The following ZNF213 variants were observed in gnomAD, a reference collection of about 807,000 sequenced individuals.
ZNF213 encodes zinc finger protein 213.
ZNF213 carries 32 observed loss-of-function variants against 46.0 expected under a neutral mutation model. The ratio of observed to expected loss-of-function variants is 0.70; its 90% CI spans 0.52 to 0.93. ZNF213 has a LOEUF of 0.93. Among genes scored for constraint, ZNF213 ranks in the 40% least tolerant of loss-of-function variants. The pLI, the probability that ZNF213 is intolerant of heterozygous loss-of-function variation, is 0.00. For missense variants in ZNF213, 639 were observed against 652.8 expected, an observed-to-expected ratio of 0.98 and a Z score of 0.23; for synonymous variants, 297 against 271.0, an observed-to-expected ratio of 1.10 and a Z score of -0.94.
chr16:3,141,010 C>G lies in ZNF213; in HGVS notation c.1043C>G (p.Pro348Arg). ...THTGEKPHKC[P>R]ECDKSFRSSS... ...ACGGGCGAGAAGCCACACAAGTGCCCTGAGTGCGACAAGAGCTTCCGCAGC... is the reference window on the plus strand; with the variant it reads ...ACGGGCGAGAAGCCACACAAGTGCCGTGAGTGCGACAAGAGCTTCCGCAGC... Residue 348 changes from proline (P) to arginine (R), a missense_variant, in exon 6 of 6, where the codon CCT (proline) becomes CGT (arginine). Pro to Arg is a moderately radical substitution (Grantham distance 103, BLOSUM62 -2). Transcript: ENST00000396878. The G allele has an allele frequency of 6.2e-7, 1 of 1,611,960 alleles. No homozygotes were observed. The highest frequency in any genetic ancestry group is 8.5e-7 in the Non-Finnish European group (1 of 1,179,596).
chr16:3,136,671 T>C (rs1246486435), intron 1 of ZNF213, among the ~76,000 whole-genome samples: 2 of 151,396 alleles, frequency 1.3e-5, no homozygotes, highest in Admixed American at 6.6e-5. Context: ...GAACTGAGAT[T>C]GCGCCACTGC....
At chr16:3,138,283 C>T in intron 2 of ZNF213, 135 bp from the exon 3 acceptor site, 7 of 1,500,908 alleles carry the variant, frequency 4.7e-6, no homozygotes, top group Non-Finnish European at 6.2e-6. Flanking sequence ...CGGACTTTTC[C>T]TGGGGCACCA....
At position 3,138,446 on chromosome 16, in the gene ZNF213, A is replaced by G; in HGVS notation, c.428A>G (p.Glu143Gly). The change falls in exon 3 of 6, where the codon GAG (glutamate) becomes GGG (glycine). Residue 143 changes from glutamate (E) to glycine (G), a missense_variant. Transcript: ENST00000396878. The stretch of plus-strand genomic sequence containing the variant: ...GTGCCCTCGGAGGAGGCGGAACCCG[A>G]GGCTGCAGGCCGGGGATCCCAGGCC... ...QDVPSEEAEPEAAGRGSQATG... is the reference protein window; with the variant it reads ...QDVPSEEAEPGAAGRGSQATG... 1 of 1,613,222 alleles carries G rather than the reference A, an allele frequency of 6.2e-7. No homozygotes were observed. Among genetic ancestry groups the G allele is most frequent in the Non-Finnish European group, 8.5e-7 (1 of 1,179,620 alleles).
rs1957521535 is a variant in ZNF213 at position 3,135,246 on chromosome 16, C to T, written c.-257C>T. 1 of 152,924 alleles carries T rather than the reference C, an allele frequency of 6.5e-6. No individual in the cohort carries two copies. Among genetic ancestry groups the T allele is most frequent in the Admixed American group, 6.5e-5 (1 of 15,290 alleles). 9.5% of individuals were successfully genotyped at this position (152,924 alleles called of 1,614,324 possible). A position where few individuals can be genotyped will look rare whatever the true frequency, so the allele number is the denominator to read the frequency against. On this transcript the variant is annotated 5_prime_UTR_variant, in exon 1 of 6. Coordinates refer to ENST00000396878, the MANE Select transcript of ZNF213 (RefSeq NM_004220.3). ...CGCGCACTGCTAGGAAGTGCTGGTC[C>T]CCCGCGCCGCTCTGCCAGCTTGGTC...
At chr16:3,137,802 G>C (rs1283373742) in intron 2 of ZNF213, 123 bp downstream of exon 2, 1 of 1,244,606 alleles carries the variant, frequency 8.0e-7, no homozygotes, top group Non-Finnish European at 1.1e-6. Flanking sequence ...GCCCCCAGGA[G>C]CAGGCACACA....
chr16:3,141,204 C>T lies in ZNF213; in HGVS notation c.1237C>T (p.Arg413Cys), dbSNP rs1343158936. 2 of 1,612,408 alleles carry T rather than the reference C, an allele frequency of 1.2e-6. No homozygotes were observed. Among genetic ancestry groups the T allele is most frequent in the African/African-American group, 2.7e-5 (2 of 74,936 alleles). ...CGACTGCGGCAAGAGCTTCTCGCTGCGCTCCTACCTGCTGGACCATCGGCG... is the reference window on the plus strand; with the variant it reads ...CGACTGCGGCAAGAGCTTCTCGCTGTGCTCCTACCTGCTGGACCATCGGCG... ...CSDCGKSFSLRSYLLDHRRVH... is the reference protein window; with the variant it reads ...CSDCGKSFSLCSYLLDHRRVH... Residue 413 changes from arginine (R) to cysteine (C), a missense_variant, in exon 6 of 6, where the codon CGC becomes TGC. By Grantham distance (180) the Arg-to-Cys change is radical. Coordinates refer to ENST00000396878, the MANE Select transcript of ZNF213 (RefSeq NM_004220.3).
intron 5 of ZNF213, 70 bp downstream of exon 5, chr16:3,139,168 C>A: frequency 6.3e-7 from 1 of 1,585,512 alleles, no homozygotes; most frequent in South Asian, 1.1e-5. Flanking sequence ...TCTTGTTTCC[C>A]ACCCCATCCT....
Position 3,139,171 on chromosome 16 carries a change from C to A in ZNF213, c.721+73C>A, listed in dbSNP as rs1957575980. ...CTGGAACTTCAGTCTTGTTTCCCAC[C>A]CCATCCTTAGCTGGTTCCAAAGCAG... On this transcript the variant is annotated intron_variant, in intron 5 of 5. Coordinates refer to ENST00000396878, the MANE Select transcript of ZNF213 (RefSeq NM_004220.3). The A allele has an allele frequency of 1.9e-6, 3 of 1,581,586 alleles. No individual in the cohort carries two copies. The African/African-American group carries it at 4.1e-5, about 21-fold the overall frequency.
intron 4 of ZNF213, 77 bp from the exon 5 acceptor site, chr16:3,138,898 G>T: frequency 6.2e-7 from 1 of 1,613,610 alleles, no homozygotes; most frequent in Non-Finnish European, 8.5e-7. Context: ...GTCCCATCAG[G>T]CCTCTTTCAT....
intron 2 of ZNF213, 140 bp downstream of exon 2, chr16:3,137,819 G>A (rs1957558255): frequency 9.4e-7 from 1 of 1,066,668 alleles, no homozygotes; most frequent in Non-Finnish European, 1.3e-6. Flanking sequence ...CACAAGCACA[G>A]TGTGCCATGG....
chr16:3,137,910 C>T (rs377145283), intron 2 of ZNF213: 189 of 601,820 alleles, frequency 3.1e-4, no homozygotes, highest in Admixed American at 7.1e-4. Context: ...GGCTGAAGTG[C>T]GAATGTTCCA....
Position 3,142,505 on chromosome 16 carries a change from C to T in ZNF213, c.*1158C>T, listed in dbSNP as rs1424918396. 1.1e-5 allele frequency: 2 copies of T among 188,050 alleles called. No individual in the cohort carries two copies. The highest frequency in any genetic ancestry group is 6.6e-5 in the South Asian group (1 of 15,226). 11.6% of individuals were successfully genotyped at this position (188,050 alleles called of 1,614,324 possible). A position where few individuals can be genotyped will look rare whatever the true frequency, so the allele number is the denominator to read the frequency against. On this transcript the variant is annotated 3_prime_UTR_variant, in exon 6 of 6. Coordinates refer to ENST00000396878, the MANE Select transcript of ZNF213 (RefSeq NM_004220.3). Reference sequence around the variant, plus strand: ...CCATCATCACTATGTCCAGCTCCGTCGGCACTACCACCCTGCTCCATCATC... The same window carrying T: ...CCATCATCACTATGTCCAGCTCCGTTGGCACTACCACCCTGCTCCATCATC...
In ZNF213 at chr16:3,142,270, C is replaced by T. The variant is rs927735374; in HGVS notation, c.*923C>T. On this transcript the variant is annotated 3_prime_UTR_variant, in exon 6 of 6. Coordinates refer to ENST00000396878, the MANE Select transcript of ZNF213 (RefSeq NM_004220.3). ...GCGCCCCACTCCATCGGCCCCGCTCCATCGGCACTAATGCCCCACTCGGCG... is the reference window on the plus strand; with the variant it reads ...GCGCCCCACTCCATCGGCCCCGCTCTATCGGCACTAATGCCCCACTCGGCG... 13 of 209,908 alleles carry T rather than the reference C, an allele frequency of 6.2e-5. No individual in the cohort carries two copies. Among genetic ancestry groups the T allele is most frequent in the African/African-American group, 2.4e-5 (1 of 41,540 alleles). The allele number at this position is 209,908 out of a possible 1,614,324, so 13.0% of individuals were successfully genotyped here. A position where few individuals can be genotyped will look rare whatever the true frequency, so the allele number is the denominator to read the frequency against.
In ZNF213 at chr16:3,137,195, C is replaced by G; in HGVS notation, c.-86C>G. On this transcript the variant is annotated 5_prime_UTR_variant, in exon 2 of 6. Coordinates refer to ENST00000396878, the MANE Select transcript of ZNF213 (RefSeq NM_004220.3). Reference sequence around the variant, plus strand: ...ACACATCCAGATGCCAGCCCAGCTACCACAGGGGATCCCTCTGGGAGACTG... The same window carrying G: ...ACACATCCAGATGCCAGCCCAGCTAGCACAGGGGATCCCTCTGGGAGACTG... 1 of 1,497,642 alleles carries G rather than the reference C, an allele frequency of 6.7e-7. No homozygotes were observed. The highest frequency in any genetic ancestry group is 1.4e-5 in the African/African-American group (1 of 71,526). 92.8% of individuals were successfully genotyped at this position (1,497,642 alleles called of 1,614,324 possible).
rs780942797 is a variant in ZNF213 at position 3,141,363 on chromosome 16, G to A, written c.*16G>A. 1.0e-5 allele frequency: 16 copies of A among 1,525,934 alleles called. No homozygotes were observed. Among genetic ancestry groups the A allele is most frequent in the Non-Finnish European group, 1.4e-5 (16 of 1,142,044 alleles). 94.5% of individuals were successfully genotyped at this position (1,525,934 alleles called of 1,614,324 possible). ...CGTGGGGTGAGCAGCTGGCTTGGCC[G>A]GAAACCCGGGGGAGGCCCAGCCACG... On this transcript the variant is annotated 3_prime_UTR_variant, in exon 6 of 6. Coordinates refer to ENST00000396878, the MANE Select transcript of ZNF213 (RefSeq NM_004220.3).
At position 3,135,290 on chromosome 16, in the gene ZNF213, T is replaced by G. The variant is rs1370221193; in HGVS notation, c.-213T>G. ...CTTGGTCCCCCGGCAGACGCCCCTG[T>G]ACGATCGCCGCTCGCCCCGCGGGCG... On this transcript the variant is annotated 5_prime_UTR_variant, in exon 1 of 6. Transcript: ENST00000396878. The G allele has an allele frequency of 6.6e-6, 1 of 152,388 alleles. No individual in the cohort carries two copies. Among genetic ancestry groups the G allele is most frequent in the African/African-American group, 2.4e-5 (1 of 41,448 alleles). 9.4% of individuals were successfully genotyped at this position (152,388 alleles called of 1,614,324 possible). A position where few individuals can be genotyped will look rare whatever the true frequency, so the allele number is the denominator to read the frequency against.
intron 2 of ZNF213, 75 bp downstream of exon 2, chr16:3,137,754 A>G (rs1317937652): frequency 6.5e-6 from 10 of 1,533,648 alleles, no homozygotes; most frequent in Non-Finnish European, 7.9e-6. Flanking sequence ...CTGCAGAGAT[A>G]AGTCTCCCAG....
At position 3,137,463 on chromosome 16, in the gene ZNF213, G is replaced by A. The variant is rs1243551706; in HGVS notation, c.183G>A (p.Glu61=). ...ACGGGGATGTGCATGGGCCTCATGA[G>A]GCCTTCAGCCAGCTCTGGGAGCTCT... ...FCYGDVHGPH[E]AFSQLWELCC... Residue 61 remains glutamate, a synonymous_variant, in exon 2 of 6, where the codon GAG becomes GAA. Transcript: ENST00000396878. The A allele has an allele frequency of 1.2e-6, 2 of 1,613,964 alleles. No homozygotes were observed. Among genetic ancestry groups the A allele is most frequent in the African/African-American group, 1.3e-5 (1 of 75,058 alleles).
Position 3,138,822 on chromosome 16 carries a change from A to C in ZNF213, c.597+4A>C. On this transcript the variant is annotated splice_donor_region_variant and intron_variant, in intron 4 of 5. Coordinates refer to ENST00000396878, the MANE Select transcript of ZNF213 (RefSeq NM_004220.3). ...CTGCTTTGTCTCTGGGGTCCATGTG[A>C]GTCACCAGTCCCTTTGTCTTCTTTA... 2 of 1,613,968 alleles carry C rather than the reference A, an allele frequency of 1.2e-6. No homozygotes were observed. Among genetic ancestry groups the C allele is most frequent in the South Asian group, 2.2e-5 (2 of 91,054 alleles).
Sources: gnomAD v4.1 joint callset for allele counts (sites outside exome capture counted in the v4.1 genomes callset) on GRCh38, gnomAD v4.1.1 for gene constraint, MANE v1.5 for transcripts, NCBI Gene and HGNC (gene_info 2026-07-23, HGNC 2026-07-21) for gene names.